Variants in ZNF521 observed in about 807,000 individuals in gnomAD.
ZNF521 encodes the protein LYST-interacting protein 3.
A neutral mutation model predicts 105.5 loss-of-function variants in ZNF521; 14 were observed. The ratio of observed to expected loss-of-function variants is 0.13; its 90% confidence interval spans 0.09 to 0.21. The LOEUF (loss-of-function observed/expected upper bound fraction) is 0.21. Ranked by LOEUF, ZNF521 falls within the 10% of genes least tolerant of loss-of-function variation. The pLI is 1.00. For synonymous variants in ZNF521, 635 were observed against 606.0 expected, an observed-to-expected ratio of 1.05 and a Z score of -0.70; for missense variants, 1,233 against 1,629.7, an observed-to-expected ratio of 0.76 and a Z score of 4.19.
intron 5 of ZNF521, among the ~76,000 whole-genome samples, chr18:25,182,509 C>A (rs1216086512): frequency 6.6e-6 from 1 of 152,306 alleles, no homozygotes; most frequent in South Asian, 2.1e-4. Flanking sequence ...ACGCCCATTT[C>A]GCTTCCCTTC....
chr18:25,230,037 T>C (rs1238324285), intron 3 of ZNF521, among the ~76,000 whole-genome samples: 2 of 152,204 alleles, frequency 1.3e-5, no homozygotes, highest in Non-Finnish European at 2.9e-5. Flanking sequence ...ATATCTATTA[T>C]ATAACTGTTC....
At chr18:25,124,308 T>C (rs1238451974) in intron 5 of ZNF521, among the ~76,000 whole-genome samples, 1 of 152,096 alleles carries the variant, frequency 6.6e-6, no homozygotes, top group Non-Finnish European at 1.5e-5. Flanking sequence ...ACCCTAATTT[T>C]GTATACCTTT....
chr18:25,231,451 G>C (rs2144756382), intron 3 of ZNF521: 1 of 152,352 alleles, frequency 6.6e-6, no homozygotes, highest in Non-Finnish European at 1.5e-5. Context: ...ACAGAAAAAA[G>C]GCAACAGAAC....
chr18:25,316,380 T>C (rs1188954079), intron 3 of ZNF521, among the ~76,000 whole-genome samples: 1 of 81,826 alleles, frequency 1.2e-5, no homozygotes, highest in Non-Finnish European at 2.3e-5. Flanking sequence ...AAAAAAAAAA[T>C]GTATATATAA....
chr18:25,273,830 A>G (rs1440295460), intron 3 of ZNF521, among the ~76,000 whole-genome samples: 4 of 152,176 alleles, frequency 2.6e-5, no homozygotes, highest in African/African-American at 9.7e-5. Flanking sequence ...GAAATCTGCC[A>G]CCTGTCCATA....
intron 5 of ZNF521, among the ~76,000 whole-genome samples, chr18:25,181,565 G>A (rs1165768865): frequency 6.6e-6 from 1 of 152,170 alleles, no homozygotes; most frequent in African/African-American, 2.4e-5. Context: ...TAATGGAGCT[G>A]CCTAACCAGC....
At chr18:25,157,571 T>C (rs911052866) in intron 5 of ZNF521, among the ~76,000 whole-genome samples, 4 of 152,116 alleles carry the variant, frequency 2.6e-5, no homozygotes, top group South Asian at 2.1e-4. Flanking sequence ...TCTAAGTGGA[T>C]TGCTTAAGCA....
intron 5 of ZNF521, among the ~76,000 whole-genome samples, chr18:25,095,429 T>C (rs2033831273): frequency 6.6e-6 from 1 of 152,206 alleles, no homozygotes; most frequent in South Asian, 2.1e-4. Flanking sequence ...ATTGATTTAA[T>C]AACCATTACA....
At chr18:25,308,934 A>G (rs8096966) in intron 3 of ZNF521, among the ~76,000 whole-genome samples, 3,981 of 152,170 alleles carry the variant, frequency 0.026, 163 homozygotes, top group African/African-American at 0.09. Flanking sequence ...AATAATATTT[A>G]TATTATTAAG....
At chr18:25,104,797 G>A (rs1262897620) in intron 5 of ZNF521, among the ~76,000 whole-genome samples, 1 of 152,128 alleles carries the variant, frequency 6.6e-6, no homozygotes, top group African/African-American at 2.4e-5. Flanking sequence ...ATTGAAACAA[G>A]AGTGGGTAAA....
At chr18:25,351,900 CAGCGGCGGCGGCAGCGGCGGCGAG>C in intron 1 of ZNF521, 81 bp downstream of exon 1, 1 of 280,598 alleles carries the variant, frequency 3.6e-6, no homozygotes, top group Non-Finnish European at 7.2e-6. Flanking sequence ...GCAGCGGCGG[CAGCGGCGGCGGCAGCGGCGGCGAG>C]AGCAGGAGGA....
Position 25,184,190 on chromosome 18 carries a change from A to T in ZNF521, c.3658+10970T>A, listed in dbSNP as rs553486552. ...CACCTACTCATAATTGCTTTTTTTT[A>T]AAAAAAGTGTGAATATTATTTTGTA... On this transcript the variant is annotated intron_variant, in intron 5 of 7. Transcript: ENST00000361524. 1.4e-3 allele frequency among the ~76,000 whole-genome samples: 217 copies of T among 152,070 alleles called. 1 individual carries two copies. Among genetic ancestry groups the T allele is most frequent in the African/African-American group, 4.0e-3 (166 of 41,530 alleles).
intron 5 of ZNF521, among the ~76,000 whole-genome samples, chr18:25,102,493 T>C (rs1271888745): frequency 1.3e-5 from 2 of 151,356 alleles, no homozygotes. Flanking sequence ...TTTTAAAAGA[T>C]GAGAAAATTG....
intron 5 of ZNF521, among the ~76,000 whole-genome samples, chr18:25,184,370 T>C (rs560591463): frequency 4.3e-4 from 66 of 152,298 alleles, no homozygotes; most frequent in Middle Eastern, 3.4e-3. Flanking sequence ...ACCCCCTTTC[T>C]ACTGGAGGTC....
At chr18:25,090,516 T>C (rs907819046) in intron 6 of ZNF521, among the ~76,000 whole-genome samples, 5 of 152,348 alleles carry the variant, frequency 3.3e-5, no homozygotes, top group Non-Finnish European at 7.3e-5. Flanking sequence ...ACACTTTATA[T>C]TGGAAGCATT....
At chr18:25,087,331 GTGAT>G (rs960671057) in intron 7 of ZNF521, among the ~76,000 whole-genome samples, 2 of 152,214 alleles carry the variant, frequency 1.3e-5, no homozygotes, top group African/African-American at 2.4e-5. Flanking sequence ...CTTGAAGGAT[GTGAT>G]TAATTGCTTA....
chr18:25,323,627 C>A (rs1009656748), intron 2 of ZNF521, among the ~76,000 whole-genome samples: 2 of 152,070 alleles, frequency 1.3e-5, no homozygotes, highest in African/African-American at 2.4e-5. Context: ...TTAGATATTT[C>A]ATTAAATGTT....
chr18:25,345,182 TCTC>T (rs1374658965), intron 2 of ZNF521: 1 of 152,044 alleles, frequency 6.6e-6, no homozygotes, highest in African/African-American at 2.4e-5. Context: ...TGAAAAGAAA[TCTC>T]CTACAAATAT....
At chr18:25,303,454 T>A (rs1223009128) in intron 3 of ZNF521, among the ~76,000 whole-genome samples, 1 of 152,012 alleles carries the variant, frequency 6.6e-6, no homozygotes, top group Non-Finnish European at 1.5e-5. Context: ...CCCGCCACCA[T>A]GCCCGGCTAA....
Sources: gnomAD v4.1 joint callset for allele counts (sites outside exome capture counted in the v4.1 genomes callset) on GRCh38, gnomAD v4.1.1 for gene constraint, MANE v1.5 for transcripts, NCBI Gene and HGNC (gene_info 2026-07-23, HGNC 2026-07-21) for gene names.